RAB22A: variants seen among roughly 807,000 people sequenced by gnomAD.
The protein encoded by RAB22A is ras-related protein Rab-22A.
RAB22A carries 13 observed loss-of-function variants against 30.2 expected under a neutral mutation model. The ratio of observed to expected loss-of-function variants is 0.43; its 90% CI spans 0.28 to 0.68. RAB22A has a LOEUF of 0.68. Among genes scored for constraint, RAB22A ranks in the 30% least tolerant of loss-of-function variants. RAB22A has a pLI of 0.18. For synonymous variants in RAB22A, 89 were observed against 87.2 expected, an observed-to-expected ratio of 1.02 and a Z score of -0.11; for missense variants, 177 against 246.8, an observed-to-expected ratio of 0.72 and a Z score of 1.89.
Position 58,359,620 on chromosome 20 carries a change from T to A in RAB22A, c.502T>A (p.Ser168Thr). 1.9e-6 allele frequency: 3 copies of A among 1,607,470 alleles called. No individual in the cohort carries two copies. Among genetic ancestry groups the A allele is most frequent in the Non-Finnish European group, 2.6e-6 (3 of 1,175,076 alleles). ...LFIEISRRIPSTDANLPSGGK... is the reference protein window; with the variant it reads ...LFIEISRRIPTTDANLPSGGK... The stretch of plus-strand genomic sequence containing the variant: ...TCTTGGTTTAGGTCGAAGAATTCCA[T>A]CCACTGACGCCAACCTGCCATCTGG... The change falls in exon 7 of 7, where the codon TCC becomes ACC. Residue 168 changes from serine to threonine, a missense_variant. Ser to Thr is a moderately conservative substitution (Grantham distance 58). Coordinates refer to ENST00000244040, the MANE Select transcript of RAB22A (RefSeq NM_020673.3).
In RAB22A at chr20:58,360,113, C is replaced by T. The variant is rs1474536996; in HGVS notation, c.*410C>T. The T allele has an allele frequency of 6.5e-6, 1 of 153,890 alleles. No individual in the cohort carries two copies. Among genetic ancestry groups the T allele is most frequent in the Non-Finnish European group, 1.4e-5 (1 of 68,966 alleles). The allele number at this position is 153,890 out of a possible 1,614,324, so 9.5% of individuals were successfully genotyped here. A position where few individuals can be genotyped will look rare whatever the true frequency, so the allele number is the denominator to read the frequency against. On this transcript the variant is annotated 3_prime_UTR_variant, in exon 7 of 7. Coordinates refer to ENST00000244040, the MANE Select transcript of RAB22A (RefSeq NM_020673.3). ...ATTATAATTTCCTTGGTTTCTGTTA[C>T]CACTGTTAGAGGGAGTTGTATCATT...
chr20:58,342,666 G>A (rs1357257364), intron 2 of RAB22A, among the ~76,000 whole-genome samples: 1 of 143,180 alleles, frequency 7.0e-6, no homozygotes, highest in Non-Finnish European at 1.5e-5. Flanking sequence ...AAAAAAAAAA[G>A]TATAACTTCG....
intron 2 of RAB22A, among the ~76,000 whole-genome samples, chr20:58,323,195 A>G (rs1986492697): frequency 6.6e-6 from 1 of 152,090 alleles, no homozygotes; most frequent in Non-Finnish European, 1.5e-5. Flanking sequence ...CATCTTTCCA[A>G]GGGGTTTGAT....
intron 2 of RAB22A, among the ~76,000 whole-genome samples, chr20:58,313,032 A>G (rs1455398836): frequency 1.3e-5 from 2 of 152,204 alleles, no homozygotes; most frequent in African/African-American, 4.8e-5. Context: ...GATACACTTC[A>G]CACTGAGTCA....
At chr20:58,349,689 T>C (rs775935422) in intron 3 of RAB22A, among the ~76,000 whole-genome samples, 5 of 151,892 alleles carry the variant, frequency 3.3e-5, no homozygotes, top group Non-Finnish European at 7.4e-5. Flanking sequence ...GCCTTGGGAG[T>C]AGAAACCGTG....
intron 2 of RAB22A, among the ~76,000 whole-genome samples, chr20:58,322,031 C>G (rs768786986): frequency 6.6e-6 from 1 of 152,184 alleles, no homozygotes; most frequent in Non-Finnish European, 1.5e-5. Flanking sequence ...CCCCTGGGCT[C>G]AAGCCATCCT....
intron 2 of RAB22A, among the ~76,000 whole-genome samples, chr20:58,320,748 C>T (rs78238682): frequency 3.3e-5 from 5 of 152,076 alleles, no homozygotes; most frequent in South Asian, 2.1e-4. Flanking sequence ...TTTCAAGTAT[C>T]GATTTCTAGC....
intron 2 of RAB22A, among the ~76,000 whole-genome samples, chr20:58,315,473 C>T (rs1212705997): frequency 6.6e-6 from 1 of 152,148 alleles, no homozygotes; most frequent in African/African-American, 2.4e-5. Context: ...CCTTGAAGAA[C>T]CATGCTCCCT....
In RAB22A at chr20:58,358,767, C is replaced by T. The variant is rs367817560; in HGVS notation, c.488-839C>T. On this transcript the variant is annotated intron_variant, in intron 6 of 6. Coordinates refer to ENST00000244040, the MANE Select transcript of RAB22A (RefSeq NM_020673.3). ...AAAATTAGCCGGGCGTGGCGGTACA[C>T]GCCTCTAATCCCAGCTACTCGGGAG... 1.9e-3 allele frequency among the ~76,000 whole-genome samples: 282 copies of T among 152,138 alleles called. 1 individual carries two copies. The highest frequency in any genetic ancestry group is 6.5e-3 in the African/African-American group (269 of 41,502).
intron 2 of RAB22A, among the ~76,000 whole-genome samples, chr20:58,317,848 T>C (rs1204512655): frequency 1.3e-5 from 2 of 149,566 alleles, no homozygotes; most frequent in Admixed American, 6.6e-5. Flanking sequence ...GCCTGGCCTA[T>C]TATTCTTTTT....
At chr20:58,330,286 A>G (rs912503869) in intron 2 of RAB22A, among the ~76,000 whole-genome samples, 2 of 151,922 alleles carry the variant, frequency 1.3e-5, no homozygotes, top group African/African-American at 2.4e-5. Context: ...TAATTCTAGA[A>G]TTTTCATTTG....
chr20:58,317,659 T>C lies in RAB22A; in HGVS notation c.116+6537T>C, dbSNP rs1473977562. Among the ~76,000 whole-genome samples the C allele has an allele frequency of 2.3e-3, 333 of 147,448 alleles. 1 individual carries two copies. The highest frequency in any genetic ancestry group is 7.8e-3 in the African/African-American group (312 of 40,008). ...CTGCAAGCTCCGCCTCCCGGGTTCA[T>C]GCCATTCTCCTGCCTCAGCCTCCCG... On this transcript the variant is annotated intron_variant, in intron 2 of 6. Transcript: ENST00000244040.
chr20:58,322,435 TCAATCCTCATAA>T (rs1379628967), intron 2 of RAB22A, among the ~76,000 whole-genome samples: 2 of 152,232 alleles, frequency 1.3e-5, no homozygotes, highest in Non-Finnish European at 2.9e-5. Flanking sequence ...TAGCTACATT[TCAATCCTCATAA>T]CAAATTTCTG....
At position 58,323,861 on chromosome 20, in the gene RAB22A, G is replaced by C. The variant is rs542607908; in HGVS notation, c.116+12739G>C. 5.3e-5 allele frequency among the ~76,000 whole-genome samples: 8 copies of C among 151,446 alleles called. No homozygotes were observed. In the South Asian group the frequency reaches 1.7e-3, roughly 32 times the overall value. ...CAAAATATTTTTCTACATGTATTTGGCTAATCACATAATTATACTCTTTTA... is the reference window on the plus strand; with the variant it reads ...CAAAATATTTTTCTACATGTATTTGCCTAATCACATAATTATACTCTTTTA... On this transcript the variant is annotated intron_variant, in intron 2 of 6. Transcript: ENST00000244040.
chr20:58,365,388 G>T lies in RAB22A; in HGVS notation c.*5685G>T, dbSNP rs1987297902. ...AGTCCCTGTGCCCATGCCCATGGTG[G>T]TGCTTGACTTTGCTTTGGGGCTTAA... On this transcript the variant is annotated 3_prime_UTR_variant, in exon 7 of 7. Coordinates refer to ENST00000244040, the MANE Select transcript of RAB22A (RefSeq NM_020673.3). The T allele has an allele frequency of 6.6e-6, 1 of 152,220 alleles. No homozygotes were observed. Among genetic ancestry groups the T allele is most frequent in the Non-Finnish European group, 1.5e-5 (1 of 68,048 alleles). 9.4% of individuals were successfully genotyped at this position (152,220 alleles called of 1,614,324 possible). A position where few individuals can be genotyped will look rare whatever the true frequency, so the allele number is the denominator to read the frequency against.
chr20:58,329,824 T>C (rs755675401), intron 2 of RAB22A, among the ~76,000 whole-genome samples: 1 of 152,198 alleles, frequency 6.6e-6, no homozygotes, highest in Non-Finnish European at 1.5e-5. Flanking sequence ...AACAATCACA[T>C]AATTTCTCTT....
intron 3 of RAB22A, among the ~76,000 whole-genome samples, chr20:58,350,417 T>C (rs1001263998): frequency 6.6e-6 from 1 of 152,200 alleles, no homozygotes; most frequent in Non-Finnish European, 1.5e-5. Context: ...TTCCCGAATT[T>C]AGTGAAACAT....
At chr20:58,310,324 C>G (rs1229097342) in intron 1 of RAB22A, among the ~76,000 whole-genome samples, 3 of 151,984 alleles carry the variant, frequency 2.0e-5, no homozygotes, top group Non-Finnish European at 4.4e-5. Context: ...AAATAGTTTT[C>G]TCCCAACTTA....
At chr20:58,340,727 A>G (rs1986841076) in intron 2 of RAB22A, among the ~76,000 whole-genome samples, 1 of 152,160 alleles carries the variant, frequency 6.6e-6, no homozygotes, top group Non-Finnish European at 1.5e-5. Flanking sequence ...ACATAAATGA[A>G]CTACTCAGAT....
Sources: gnomAD v4.1 joint callset for allele counts (sites outside exome capture counted in the v4.1 genomes callset) on GRCh38, gnomAD v4.1.1 for gene constraint, MANE v1.5 for transcripts, NCBI Gene and HGNC (gene_info 2026-07-23, HGNC 2026-07-21) for gene names.